Variants in KAZN observed in about 807,000 individuals in gnomAD.
KAZN encodes kazrin.
KAZN carries 40 observed loss-of-function variants against 87.4 expected under a neutral mutation model. The observed-to-expected ratio is 0.46, with a 90% CI of 0.36 to 0.60. The LOEUF is 0.60. Among genes scored for constraint, KAZN ranks in the 20% least tolerant of loss-of-function variants. The probability of loss-of-function intolerance (pLI) is 0.00; values close to 1 mark genes in which losing one functional copy is unlikely to be tolerated. For missense variants in KAZN, 898 were observed against 1,073.9 expected (o/e 0.84, Z 2.29); for synonymous variants, 466 against 458.3 (o/e 1.02, Z -0.22).
chr1:15,045,404 G>C (rs1393018462), intron 4 of KAZN, among the ~76,000 whole-genome samples: 1 of 152,172 alleles, frequency 6.6e-6, no homozygotes, highest in African/African-American at 2.4e-5. Flanking sequence ...TCAAAACAGA[G>C]ATAATGGCAT....
intron 2 of KAZN, among the ~76,000 whole-genome samples, chr1:15,002,454 G>A (rs58201781): frequency 0.1 from 15,309 of 152,150 alleles, 850 homozygotes; most frequent in South Asian, 0.18. Flanking sequence ...CCATAGAGAG[G>A]ACAGCATTGT....
chr1:14,180,507 A>G (rs1404232153), exon 2 of KAZN: 1 of 1,550,366 alleles, frequency 6.5e-7, no homozygotes, highest in Non-Finnish European at 8.7e-7. Flanking sequence ...GCACTGGAGG[A>G]GGACAAAGAC....
chr1:14,790,795 C>T (rs1645651402), intron 1 of KAZN, among the ~76,000 whole-genome samples: 2 of 152,184 alleles, frequency 1.3e-5, no homozygotes, highest in African/African-American at 4.8e-5. Context: ...CAGGCTCAAG[C>T]GATTCTCTCA....
intron 1 of KAZN, among the ~76,000 whole-genome samples, chr1:13,934,203 C>T (rs1640635445): frequency 6.6e-6 from 1 of 152,180 alleles, no homozygotes; most frequent in Non-Finnish European, 1.5e-5. Context: ...CCTCTCTCTG[C>T]CAGATAAGTT....
chr1:13,973,637 T>A (rs944221579), intron 1 of KAZN, among the ~76,000 whole-genome samples: 1 of 152,212 alleles, frequency 6.6e-6, no homozygotes, highest in African/African-American at 2.4e-5. Context: ...CTATGTTGGT[T>A]TTCTTAAATC....
chr1:15,103,518 T>C, intron 12 of KAZN, 58 bp downstream of exon 12: 1 of 1,100,024 alleles, frequency 9.1e-7, no homozygotes, highest in Non-Finnish European at 1.3e-6. Context: ...CCCATGCAAA[T>C]CTATATGCAA....
chr1:14,965,154 AACTACAGGC>A (rs1348340975), intron 2 of KAZN, among the ~76,000 whole-genome samples: 1 of 151,934 alleles, frequency 6.6e-6, no homozygotes, highest in Non-Finnish European at 1.5e-5. Flanking sequence ...GAGAAGCTGG[AACTACAGGC>A]ACACACCACC....
In KAZN at chr1:14,486,041, T is replaced by C. The variant is rs141042662; in HGVS notation, c.250-112942T>C. Among the ~76,000 whole-genome samples, 19 of 152,258 alleles carry C rather than the reference T, an allele frequency of 1.2e-4. No individual in the cohort carries two copies. In the East Asian group the frequency reaches 3.5e-3, roughly 28 times the overall value. On this transcript the variant is annotated intron_variant, in intron 2 of 16. Transcript: ENST00000636203. Reference sequence around the variant, plus strand: ...TATAGCACTGCCTGTTCAGTAAAGCTGTTCTCTTCTACCTCTGGCTTTCCC... The same window carrying C: ...TATAGCACTGCCTGTTCAGTAAAGCCGTTCTCTTCTACCTCTGGCTTTCCC...
intron 1 of KAZN, among the ~76,000 whole-genome samples, chr1:13,968,011 G>C (rs780285114): frequency 1.1e-4 from 16 of 152,164 alleles, no homozygotes; most frequent in Non-Finnish European, 1.8e-4. Flanking sequence ...TTGGTCTCTA[G>C]GGGCCTCCTC....
At chr1:14,191,502 A>G (rs926667912) in intron 2 of KAZN, among the ~76,000 whole-genome samples, 2 of 152,122 alleles carry the variant, frequency 1.3e-5, no homozygotes, top group Admixed American at 1.3e-4. Flanking sequence ...CCCATGGTAC[A>G]TCTAGGTGTA....
chr1:14,669,473 GTGGC>G (rs1639782648), intron 1 of KAZN, among the ~76,000 whole-genome samples: 2 of 152,196 alleles, frequency 1.3e-5, no homozygotes, highest in South Asian at 4.1e-4. Flanking sequence ...GCTGGGCGCG[GTGGC>G]TCACACCTCT....
intron 2 of KAZN, among the ~76,000 whole-genome samples, chr1:14,226,975 A>T (rs1647349525): frequency 6.6e-6 from 1 of 152,200 alleles, no homozygotes. Context: ...TGACAAAATT[A>T]TCTATAAACC....
At chr1:15,027,143 G>A (rs1053798190) in intron 2 of KAZN, among the ~76,000 whole-genome samples, 2 of 132,322 alleles carry the variant, frequency 1.5e-5, no homozygotes, top group African/African-American at 5.6e-5. Flanking sequence ...GTGCAGTGGC[G>A]CGATCTCGGC....
chr1:14,000,229 G>A (rs916307766), intron 1 of KAZN, among the ~76,000 whole-genome samples: 5 of 151,978 alleles, frequency 3.3e-5, no homozygotes, highest in South Asian at 2.1e-4. Context: ...TACCAAAACC[G>A]GGAAGAGGCA....
At chr1:14,114,298 G>A (rs1021694422) in intron 1 of KAZN, among the ~76,000 whole-genome samples, 14 of 152,142 alleles carry the variant, frequency 9.2e-5, no homozygotes, top group Non-Finnish European at 1.9e-4. Context: ...GCATTGGGGG[G>A]ATCAGTGCAC....
chr1:14,177,707 TGACTA>T (rs1646110755), intron 1 of KAZN, among the ~76,000 whole-genome samples: 2 of 152,044 alleles, frequency 1.3e-5, no homozygotes, highest in Non-Finnish European at 2.9e-5. Flanking sequence ...AAACTCTACA[TGACTA>T]GGCAAGAAAA....
At chr1:13,986,635 A>G (rs1426218557) in intron 1 of KAZN, among the ~76,000 whole-genome samples, 2 of 152,250 alleles carry the variant, frequency 1.3e-5, no homozygotes, top group Non-Finnish European at 2.9e-5. Context: ...GGTTGCAAAC[A>G]ATAGAAACCA....
chr1:14,922,331 C>T (rs534233312), intron 1 of KAZN, among the ~76,000 whole-genome samples: 6 of 152,260 alleles, frequency 3.9e-5, no homozygotes, highest in East Asian at 3.9e-4. Flanking sequence ...CTAGCTTCTC[C>T]GCTCTCGGGT....
chr1:14,102,891 CACATTTGAAT>C (rs1644288468), intron 1 of KAZN, among the ~76,000 whole-genome samples: 1 of 151,444 alleles, frequency 6.6e-6, no homozygotes, highest in African/African-American at 2.4e-5. Flanking sequence ...TCCCTCTGTA[CACATTTGAAT>C]ACTAATCTCT....
Sources: gnomAD v4.1 joint callset for allele counts (sites outside exome capture counted in the v4.1 genomes callset) on GRCh38, gnomAD v4.1.1 for gene constraint, MANE v1.5 for transcripts, NCBI Gene and HGNC (gene_info 2026-07-23, HGNC 2026-07-21) for gene names.